The following NEDD4L variants were observed in gnomAD, a reference collection of about 807,000 sequenced individuals.
NEDD4L encodes the protein NEDD4 like E3 ubiquitin protein ligase, also known as E3 ubiquitin-protein ligase NEDD4-like.
NEDD4L carries 54 observed loss-of-function variants against 148.9 expected under a neutral mutation model. That is an observed-to-expected ratio of 0.36 (90% CI 0.29 to 0.45). NEDD4L has a LOEUF of 0.45. Ranked by LOEUF, NEDD4L falls within the 20% of genes least tolerant of loss-of-function variation. The pLI, the probability that NEDD4L is intolerant of heterozygous loss-of-function variation, is 1.00. For missense variants in NEDD4L, 856 were observed against 1,233.8 expected (o/e 0.69, Z 4.59); for synonymous variants, 433 against 440.7 (o/e 0.98, Z 0.22).
intron 5 of NEDD4L, among the ~76,000 whole-genome samples, chr18:58,288,588 C>T (rs1362729457): frequency 6.6e-6 from 1 of 152,136 alleles, no homozygotes; most frequent in African/African-American, 2.4e-5. Context: ...CTTTGGTTTG[C>T]TATTGCAAAA....
intron 5 of NEDD4L, among the ~76,000 whole-genome samples, chr18:58,267,060 T>G (rs1416688541): frequency 6.6e-6 from 1 of 152,100 alleles, no homozygotes; most frequent in Non-Finnish European, 1.5e-5. Flanking sequence ...TTTCCTTCCG[T>G]ATATTTGTCA....
At chr18:58,106,713 G>T (rs1188007648) in intron 1 of NEDD4L, among the ~76,000 whole-genome samples, 1 of 152,320 alleles carries the variant, frequency 6.6e-6, no homozygotes, top group Middle Eastern at 3.4e-3. Context: ...CAGAAATACA[G>T]TACAATAACA....
At chr18:58,093,727 A>G (rs1386637214) in intron 1 of NEDD4L, among the ~76,000 whole-genome samples, 1 of 152,242 alleles carries the variant, frequency 6.6e-6, no homozygotes, top group Non-Finnish European at 1.5e-5. Context: ...AATTTACGCC[A>G]GAGGAGGAGA....
At chr18:58,323,397 A>G (rs2059019426) in intron 8 of NEDD4L, 63 bp downstream of exon 8, 8 of 876,244 alleles carry the variant, frequency 9.1e-6, no homozygotes, top group Non-Finnish European at 1.1e-5. Context: ...TTGCTTTCAA[A>G]CTTTATAATT....
At chr18:58,078,841 C>G (rs897046462) in intron 1 of NEDD4L, among the ~76,000 whole-genome samples, 7 of 152,026 alleles carry the variant, frequency 4.6e-5, no homozygotes, top group African/African-American at 1.2e-4. Context: ...TTTCAGGGAC[C>G]TGATGAGACA....
intron 19 of NEDD4L, among the ~76,000 whole-genome samples, chr18:58,358,534 C>G (rs2045032251): frequency 6.6e-6 from 1 of 152,138 alleles, no homozygotes; most frequent in East Asian, 1.9e-4. Flanking sequence ...TTATCAATTA[C>G]CGGCCGTCAC....
chr18:58,375,737 G>A (rs2047481006), intron 24 of NEDD4L, among the ~76,000 whole-genome samples: 2 of 152,116 alleles, frequency 1.3e-5, no homozygotes, highest in African/African-American at 2.4e-5. Flanking sequence ...GGCTCAGCAT[G>A]TAGTTGATGC....
intron 2 of NEDD4L, among the ~76,000 whole-genome samples, chr18:58,166,182 C>T (rs1395056030): frequency 6.6e-6 from 1 of 152,164 alleles, no homozygotes; most frequent in East Asian, 1.9e-4. Context: ...TATTTTAATA[C>T]TTCAAAAATA....
At chr18:58,227,177 T>TA (rs2148041061) in intron 2 of NEDD4L, among the ~76,000 whole-genome samples, 1 of 152,370 alleles carries the variant, frequency 6.6e-6, no homozygotes, top group African/African-American at 2.4e-5. Context: ...CTCCCCTTGG[T>TA]AAAATGTAGG....
chr18:58,073,222 T>G (rs944671239), intron 1 of NEDD4L, among the ~76,000 whole-genome samples: 1 of 152,152 alleles, frequency 6.6e-6, no homozygotes. Flanking sequence ...GCTGGCTTTT[T>G]TTTTTCTCAG....
Position 58,335,519 on chromosome 18 carries a change from G to C in NEDD4L, c.1107G>C (p.Thr369=), listed in dbSNP as rs760233002. The change falls in exon 13 of 31, where the codon ACG becomes ACC. Residue 369 remains threonine (T), a synonymous_variant. Transcript: ENST00000400345. ...GGAGAGCGCGTTCATCAACTGTCAC[G>C]GGTGGTGAGGAACCAACGGTAATGA... is the stretch of plus-strand genomic sequence containing the variant. ...PAGRARSSTV[T]GGEEPTPSVA... 5 of 1,613,254 alleles carry C rather than the reference G, an allele frequency of 3.1e-6. No homozygotes were observed. The highest frequency in any genetic ancestry group is 1.3e-5 in the African/African-American group (1 of 74,938).
intron 2 of NEDD4L, among the ~76,000 whole-genome samples, chr18:58,183,902 G>C (rs369009338): frequency 2.6e-5 from 4 of 152,176 alleles, no homozygotes; most frequent in East Asian, 3.8e-4. Flanking sequence ...AGGCATGGTG[G>C]CTCACGCCTG....
rs762200529 is a variant in NEDD4L at position 58,391,545 on chromosome 18, C to T, written c.2811C>T (p.Pro937=). The change falls in exon 30 of 31, where the codon CCC becomes CCT. Residue 937 remains proline (P), a synonymous_variant. Transcript: ENST00000400345. ...AATGGGGCAGTCCTGAGAAACTGCC[C>T]AGAGCTCACACATGGTGAGTGACAA... is the stretch of plus-strand genomic sequence containing the variant. ...IEQWGSPEKL[P]RAHTCFNRLD... 6.4e-7 allele frequency: 1 copy of T among 1,574,654 alleles called. No homozygotes were observed. The highest frequency in any genetic ancestry group is 1.3e-5 in the African/African-American group (1 of 74,228).
At chr18:58,082,820 T>G (rs7243469) in intron 1 of NEDD4L, among the ~76,000 whole-genome samples, 13,360 of 151,828 alleles carry the variant, frequency 0.088, 708 homozygotes, top group Admixed American at 0.15. Context: ...TGATAAATAT[T>G]GTACATGATT....
intron 5 of NEDD4L, among the ~76,000 whole-genome samples, chr18:58,299,900 G>A (rs1219460192): frequency 6.6e-6 from 1 of 152,210 alleles, no homozygotes; most frequent in Admixed American, 6.5e-5. Context: ...TGATCTGCCA[G>A]ATGTTACAAT....
chr18:58,094,448 C>T (rs906442784), intron 1 of NEDD4L, among the ~76,000 whole-genome samples: 3 of 152,080 alleles, frequency 2.0e-5, no homozygotes, highest in African/African-American at 4.8e-5. Flanking sequence ...CAGCCTCCTA[C>T]AGTGTTGGGA....
intron 5 of NEDD4L, among the ~76,000 whole-genome samples, chr18:58,305,611 G>C (rs932303088): frequency 2.6e-5 from 4 of 152,178 alleles, no homozygotes; most frequent in African/African-American, 9.7e-5. Context: ...GGAGAAGGAG[G>C]CCCATACTCT....
In NEDD4L at chr18:58,398,959, C is replaced by A. The variant is rs1227551825; in HGVS notation, c.*2690C>A. On this transcript the variant is annotated 3_prime_UTR_variant, in exon 31 of 31. Transcript: ENST00000400345. ...CAGTCACACTGCTCTGCAGGCCGGG[C>A]TCTCTTTATAGCCAGAGAAATCACC... is the stretch of plus-strand genomic sequence containing the variant. 5 of 152,286 alleles carry A rather than the reference C, an allele frequency of 3.3e-5. No individual in the cohort carries two copies. Among genetic ancestry groups the A allele is most frequent in the African/African-American group, 4.8e-5 (2 of 41,468 alleles). The allele number at this position is 152,286 out of a possible 1,614,324, so 9.4% of individuals were successfully genotyped here. A position where few individuals can be genotyped will look rare whatever the true frequency, so the allele number is the denominator to read the frequency against.
intron 2 of NEDD4L, among the ~76,000 whole-genome samples, chr18:58,230,417 CT>C (rs34928650): frequency 7.5e-4 from 107 of 142,966 alleles, no homozygotes; most frequent in Middle Eastern, 3.6e-3. Flanking sequence ...GAAGCTTCTT[CT>C]TTTTTTTTTT....
Sources: gnomAD v4.1 joint callset for allele counts (sites outside exome capture counted in the v4.1 genomes callset) on GRCh38, gnomAD v4.1.1 for gene constraint, MANE v1.5 for transcripts, NCBI Gene and HGNC (gene_info 2026-07-23, HGNC 2026-07-21) for gene names.